FBXL17: variants seen among roughly 807,000 people sequenced by gnomAD.
The protein encoded by FBXL17 is F-box and leucine rich repeat protein 17.
A neutral mutation model predicts 66.2 loss-of-function variants in FBXL17; 22 were observed. That is an observed-to-expected ratio of 0.33 (90% CI 0.24 to 0.47). FBXL17 has a LOEUF of 0.47. Ranked by LOEUF, FBXL17 falls within the 20% of genes least tolerant of loss-of-function variation. The pLI is 1.00. For synonymous variants in FBXL17, 474 were observed against 400.5 expected (o/e 1.18, Z -2.19); for missense variants, 878 against 948.2 (o/e 0.93, Z 0.97).
intron 4 of FBXL17, among the ~76,000 whole-genome samples, chr5:108,311,956 C>G (rs1371460202): frequency 6.6e-6 from 1 of 152,170 alleles, no homozygotes. Flanking sequence ...AACCTATTCT[C>G]CAGACCCTGA....
chr5:108,372,589 A>C (rs1749118139), intron 1 of FBXL17, among the ~76,000 whole-genome samples: 2 of 152,344 alleles, frequency 1.3e-5, no homozygotes, highest in South Asian at 4.1e-4. Flanking sequence ...TTCACTGGAA[A>C]CCATGGAGAC....
At position 108,262,485 on chromosome 5, in the gene FBXL17, T is replaced by G. The variant is rs146431279; in HGVS notation, c.1507-38257A>C. Among the ~76,000 whole-genome samples, 785 of 152,232 alleles carry G rather than the reference T, an allele frequency of 5.2e-3. 8 individuals carry two copies. The highest frequency in any genetic ancestry group is 0.018 in the African/African-American group (743 of 41,528). On this transcript the variant is annotated intron_variant, in intron 4 of 8. Coordinates refer to ENST00000542267, the MANE Select transcript of FBXL17 (RefSeq NM_001163315.3). ...AATATGCCAAAAATTATGAAATAAT[T>G]TGGAAGGTACTCAAAGCATCCCTCT...
At chr5:108,060,634 C>T (rs1338536920) in intron 6 of FBXL17, among the ~76,000 whole-genome samples, 1 of 152,128 alleles carries the variant, frequency 6.6e-6, no homozygotes, top group Non-Finnish European at 1.5e-5. Context: ...TCAACAACTT[C>T]TAACCAGTAT....
At chr5:108,186,580 G>A (rs1753243285) in intron 5 of FBXL17, among the ~76,000 whole-genome samples, 1 of 151,898 alleles carries the variant, frequency 6.6e-6, no homozygotes, top group Non-Finnish European at 1.5e-5. Context: ...GACCATCTTG[G>A]CCAACATGGT....
At chr5:108,105,572 T>C (rs541660731) in intron 6 of FBXL17, among the ~76,000 whole-genome samples, 10 of 152,292 alleles carry the variant, frequency 6.6e-5, no homozygotes, top group African/African-American at 2.4e-4. Context: ...AAGAAAACTG[T>C]GGAAAAACAA....
chr5:108,185,610 G>C (rs1390767697), intron 6 of FBXL17, among the ~76,000 whole-genome samples: 2 of 152,054 alleles, frequency 1.3e-5, no homozygotes, highest in African/African-American at 4.8e-5. Flanking sequence ...TGTAGTCCCA[G>C]CTGCTTGGGA....
intron 5 of FBXL17, 131 bp from the exon 6 acceptor site, chr5:108,186,378 AATT>A: frequency 1.5e-6 from 1 of 657,124 alleles, no homozygotes; most frequent in Non-Finnish European, 2.5e-6. Context: ...AGAATCTTTT[AATT>A]AAAGATATTG....
chr5:107,926,881 C>T (rs992369947), intron 7 of FBXL17, among the ~76,000 whole-genome samples: 2 of 152,026 alleles, frequency 1.3e-5, no homozygotes, highest in Non-Finnish European at 2.9e-5. Flanking sequence ...CAGTTGGAAA[C>T]ATTTGTTTTT....
intron 7 of FBXL17, among the ~76,000 whole-genome samples, chr5:107,938,370 A>G (rs1404294235): frequency 6.6e-6 from 1 of 152,178 alleles, no homozygotes. Context: ...ATACTGAGAA[A>G]AAACTATGTG....
intron 6 of FBXL17, among the ~76,000 whole-genome samples, chr5:108,184,816 C>A (rs1580574857): frequency 6.8e-6 from 1 of 147,390 alleles, no homozygotes; most frequent in East Asian, 2.0e-4. Flanking sequence ...CAAATTATTT[C>A]TCCTATTTTT....
intron 5 of FBXL17, among the ~76,000 whole-genome samples, chr5:108,222,801 G>T (rs1460712270): frequency 6.7e-6 from 1 of 149,980 alleles, no homozygotes; most frequent in East Asian, 2.0e-4. Flanking sequence ...AGCCTCCCAA[G>T]TAGCTGGGAT....
intron 6 of FBXL17, among the ~76,000 whole-genome samples, chr5:108,174,730 AC>A (rs1301560524): frequency 7.2e-6 from 1 of 139,720 alleles, no homozygotes; most frequent in African/African-American, 2.8e-5. Context: ...ATATAGCTAT[AC>A]TTTTTACACA....
At chr5:108,096,559 T>C (rs1749375545) in intron 6 of FBXL17, among the ~76,000 whole-genome samples, 1 of 152,200 alleles carries the variant, frequency 6.6e-6, no homozygotes. Flanking sequence ...AGTCAAGCTT[T>C]CTTGCACTCA....
intron 6 of FBXL17, among the ~76,000 whole-genome samples, chr5:108,151,590 C>A (rs1281213933): frequency 6.6e-6 from 1 of 152,086 alleles, no homozygotes; most frequent in Non-Finnish European, 1.5e-5. Context: ...TCTGTAGACA[C>A]CCAAAAGAAA....
chr5:107,975,109 A>G (rs1752528018), intron 7 of FBXL17, among the ~76,000 whole-genome samples: 2 of 152,174 alleles, frequency 1.3e-5, no homozygotes, highest in Admixed American at 1.3e-4. Flanking sequence ...CATTCTTAAA[A>G]TATGTTATTT....
At chr5:108,042,323 G>C (rs531961495) in intron 6 of FBXL17, among the ~76,000 whole-genome samples, 1 of 152,154 alleles carries the variant, frequency 6.6e-6, no homozygotes, top group Non-Finnish European at 1.5e-5. Flanking sequence ...AATATCACAA[G>C]CAGGATATTG....
rs1487054796 is a variant in FBXL17 at position 108,186,147 on chromosome 5, T to C, written c.1715A>G (p.Asn572Ser). ...VKRCKNLSSL[N>S]LCLNWIINDR... ...ATTTATGATCCAGTTCAGACAGAGA[T>C]TGAGAGAGCTAAGATTTTTGCACCT... Residue 572 changes from asparagine (N) to serine (S), a missense_variant, in exon 6 of 9, where the codon AAT (asparagine) becomes AGT (serine). This residue lies in a region of FBXL17 where 236 missense variants were observed against 389.1 expected (regional missense o/e 0.61). Transcript: ENST00000542267. 2 of 1,612,508 alleles carry C rather than the reference T, an allele frequency of 1.2e-6. No homozygotes were observed. The highest frequency in any genetic ancestry group is 8.5e-7 in the Non-Finnish European group (1 of 1,178,690).
intron 8 of FBXL17, among the ~76,000 whole-genome samples, chr5:107,862,690 T>A (rs892099811): frequency 6.6e-6 from 1 of 152,190 alleles, no homozygotes. Flanking sequence ...TTCAAATACA[T>A]CAATATTTCA....
intron 6 of FBXL17, among the ~76,000 whole-genome samples, chr5:108,137,454 C>T (rs921577210): frequency 6.6e-6 from 1 of 152,044 alleles, no homozygotes; most frequent in African/African-American, 2.4e-5. Flanking sequence ...GAATCAGATA[C>T]ATCAGCCAAA....
Sources: gnomAD v4.1 joint callset for allele counts (sites outside exome capture counted in the v4.1 genomes callset) on GRCh38, gnomAD v4.1.1 for gene constraint, gnomAD v4.1.1 regional missense constraint, MANE v1.5 for transcripts, NCBI Gene and HGNC (gene_info 2026-07-23, HGNC 2026-07-21) for gene names.